PPARGC1A: variants seen among roughly 807,000 people sequenced by gnomAD.
The protein encoded by PPARGC1A is PPARG coactivator 1 alpha, also known as peroxisome proliferator-activated receptor gamma coactivator 1-alpha.
PPARGC1A carries 25 observed loss-of-function variants against 88.7 expected under a neutral mutation model. That is an observed-to-expected ratio of 0.28 (90% CI 0.21 to 0.39). The LOEUF is 0.39. Ranked by LOEUF, PPARGC1A falls within the 10% of genes least tolerant of loss-of-function variation. The pLI is 1.00. For missense variants in PPARGC1A, 880 were observed against 968.7 expected, an observed-to-expected ratio of 0.91 and a Z score of 1.22; for synonymous variants, 363 against 355.6, an observed-to-expected ratio of 1.02 and a Z score of -0.24.
chr4:23,926,582 C>A, the PPARGC1A span, among the ~76,000 whole-genome samples: 2 of 152,210 alleles, frequency 1.3e-5, no homozygotes, highest in Non-Finnish European at 2.9e-5. Context: ...CCCTGCCCTG[C>A]CTCCAGTCTG....
upstream of PPARGC1A, among the ~76,000 whole-genome samples, chr4:23,901,565 A>AAAAAG (rs1314323321): frequency 2.0e-5 from 3 of 151,858 alleles, no homozygotes; most frequent in Non-Finnish European, 4.4e-5. Flanking sequence ...AAAGAAAAGA[A>AAAAAG]AAAAGAAAAG....
chr4:23,856,873 C>T (rs570872147), intron 2 of PPARGC1A, among the ~76,000 whole-genome samples: 1 of 151,710 alleles, frequency 6.6e-6, no homozygotes, highest in South Asian at 2.1e-4. Context: ...GAATTTGAAT[C>T]TTGACCAGCA....
chr4:23,923,002 A>G, the PPARGC1A span, among the ~76,000 whole-genome samples: 11 of 152,206 alleles, frequency 7.2e-5, no homozygotes, highest in East Asian at 1.9e-4. Context: ...ACTTTTCCCC[A>G]GGAGCTTTTG....
chr4:23,841,419 T>C (rs1484339862), intron 2 of PPARGC1A, among the ~76,000 whole-genome samples: 7 of 152,132 alleles, frequency 4.6e-5, no homozygotes, highest in African/African-American at 9.7e-5. Flanking sequence ...TAAGGATTTA[T>C]TATAAATATT....
intron 10 of PPARGC1A, among the ~76,000 whole-genome samples, chr4:23,809,383 G>C (rs1281845672): frequency 6.6e-6 from 1 of 152,046 alleles, no homozygotes; most frequent in African/African-American, 2.4e-5. Flanking sequence ...ATGAATTATA[G>C]GACCCTTTAG....
chr4:23,922,705 C>G, the PPARGC1A span, among the ~76,000 whole-genome samples: 3 of 152,186 alleles, frequency 2.0e-5, no homozygotes, highest in East Asian at 5.8e-4. Flanking sequence ...ACGCCCAACT[C>G]ATTTTCCATC....
chr4:24,222,967 CA>C, the PPARGC1A span, among the ~76,000 whole-genome samples: 3 of 152,022 alleles, frequency 2.0e-5, no homozygotes, highest in Admixed American at 6.6e-5. Context: ...CAAAACTAAG[CA>C]AAAAATTATA....
the PPARGC1A span, among the ~76,000 whole-genome samples, chr4:24,283,866 T>A: frequency 6.6e-6 from 1 of 152,196 alleles, no homozygotes; most frequent in Admixed American, 6.5e-5. Context: ...TCAATATGTA[T>A]AAAGTATTTG....
chr4:24,346,040 T>A, the PPARGC1A span, among the ~76,000 whole-genome samples: 1 of 152,210 alleles, frequency 6.6e-6, no homozygotes, highest in African/African-American at 2.4e-5. Flanking sequence ...GAGATGATCA[T>A]GTGATTTTTG....
chr4:24,030,294 C>T, the PPARGC1A span, among the ~76,000 whole-genome samples: 15 of 152,296 alleles, frequency 9.8e-5, no homozygotes, highest in African/African-American at 2.6e-4. Flanking sequence ...TCTGAAAACT[C>T]CATCCCCACT....
the PPARGC1A span, among the ~76,000 whole-genome samples, chr4:24,422,515 G>A: frequency 2.6e-5 from 4 of 151,904 alleles, no homozygotes; most frequent in East Asian, 5.8e-4. Flanking sequence ...TTTAAGATTC[G>A]GAATAAAATC....
chr4:24,344,486 T>A, the PPARGC1A span, among the ~76,000 whole-genome samples: 7 of 152,326 alleles, frequency 4.6e-5, no homozygotes, highest in Non-Finnish European at 7.4e-5. Context: ...TGATTTGCAT[T>A]TCCCTGATCA....
At chr4:23,997,711 T>A in the PPARGC1A span, among the ~76,000 whole-genome samples, 1 of 152,006 alleles carries the variant, frequency 6.6e-6, no homozygotes, top group South Asian at 2.1e-4. Flanking sequence ...AGGGTGGTCT[T>A]GAACTCCGAA....
At chr4:24,164,537 C>T in the PPARGC1A span, among the ~76,000 whole-genome samples, 1 of 151,898 alleles carries the variant, frequency 6.6e-6, no homozygotes. Flanking sequence ...ACTGTATCTC[C>T]ATGGTGCCAC....
At chr4:23,805,155 C>T (rs1873532) in intron 10 of PPARGC1A, among the ~76,000 whole-genome samples, 1 of 151,662 alleles carries the variant, frequency 6.6e-6, no homozygotes, top group South Asian at 2.1e-4. Flanking sequence ...ATCAAAGATG[C>T]CTAAGAGTGG....
chr4:23,883,873 T>A (rs1339180175), intron 2 of PPARGC1A: 1 of 152,184 alleles, frequency 6.6e-6, no homozygotes, highest in Non-Finnish European at 1.5e-5. Context: ...ATGTCTTTGC[T>A]GATGAATAAG....
At chr4:24,388,010 G>GGAAAGAAA in the PPARGC1A span, among the ~76,000 whole-genome samples, 1 of 147,272 alleles carries the variant, frequency 6.8e-6, no homozygotes, top group African/African-American at 2.5e-5. Context: ...AAGGAAGGAA[G>GGAAAGAAA]GAAAGAAAGA....
the PPARGC1A span, among the ~76,000 whole-genome samples, chr4:24,374,094 T>C: frequency 6.6e-6 from 1 of 152,160 alleles, no homozygotes; most frequent in Non-Finnish European, 1.5e-5. Flanking sequence ...TGATCCCAGA[T>C]ATCAGAGTTA....
At chr4:24,050,937 C>T in the PPARGC1A span, among the ~76,000 whole-genome samples, 2 of 152,088 alleles carry the variant, frequency 1.3e-5, no homozygotes, top group Admixed American at 1.3e-4. Context: ...CCTGTAATCC[C>T]AGCACTTTGG....
Sources: gnomAD v4.1 joint callset for allele counts (sites outside exome capture counted in the v4.1 genomes callset) on GRCh38, gnomAD v4.1.1 for gene constraint, MANE v1.5 for transcripts, NCBI Gene and HGNC (gene_info 2026-07-23, HGNC 2026-07-21) for gene names.